The following SLC39A4 variants were observed in gnomAD, a reference collection of about 807,000 sequenced individuals.
SLC39A4 encodes the protein zinc transporter ZIP4.
Under a neutral mutation model 56.6 loss-of-function variants are expected in SLC39A4, and 49 were observed. The observed-to-expected ratio is 0.87, with a 90% CI of 0.69 to 1.10. The LOEUF is 1.10. Ranked by LOEUF, SLC39A4 falls within the 50% of genes least tolerant of loss-of-function variation. The pLI is 0.00. For synonymous variants in SLC39A4, 540 were observed against 420.4 expected (o/e 1.28, Z -3.48); for missense variants, 993 against 864.2 (o/e 1.15, Z -1.87).
In SLC39A4 at chr8:144,412,833, C is replaced by T. The variant is rs782616112; in HGVS notation, c.1741G>A (p.Val581Ile). ...AGLYVALAVG[V>I]SEESEAWILA... ...ATCCAGGCCTCGCTCTCCTCGCTGACTCCAACCGCGAGTGCCACGTAGAGA... is the reference window on the plus strand; with the variant it reads ...ATCCAGGCCTCGCTCTCCTCGCTGATTCCAACCGCGAGTGCCACGTAGAGA... The change falls in exon 11 of 12, where the codon GTC becomes ATC. Residue 581 changes from valine (V) to isoleucine (I), a missense_variant. Coordinates refer to ENST00000301305, the MANE Select transcript of SLC39A4 (RefSeq NM_130849.4). The T allele has an allele frequency of 1.2e-6, 2 of 1,612,846 alleles. No individual in the cohort carries two copies. Among genetic ancestry groups the T allele is most frequent in the African/African-American group, 1.3e-5 (1 of 74,930 alleles).
At position 144,412,873 on chromosome 8, in the gene SLC39A4, G is replaced by A; in HGVS notation, c.1701C>T (p.Leu567=). ...CCACGTAGAGACCAGCGAAGGCCGTGAGCGCGGAGGCCAGGTTCAGCAGCA... is the reference window on the plus strand; with the variant it reads ...CCACGTAGAGACCAGCGAAGGCCGTAAGCGCGGAGGCCAGGTTCAGCAGCA... ...QALLLNLASA[L]TAFAGLYVAL... Residue 567 remains leucine (L), a synonymous_variant, in exon 11 of 12, where the codon CTC becomes CTT. Transcript: ENST00000301305. 1 of 1,611,430 alleles carries A rather than the reference G, an allele frequency of 6.2e-7. No individual in the cohort carries two copies. Among genetic ancestry groups the A allele is most frequent in the Non-Finnish European group, 8.5e-7 (1 of 1,179,806 alleles).
intron 10 of SLC39A4, 123 bp downstream of exon 10, chr8:144,413,114 G>A (rs1488881584): frequency 9.6e-6 from 12 of 1,253,220 alleles, no homozygotes; most frequent in Admixed American, 2.5e-5. Context: ...ACCTGTTTCC[G>A]GTCTCCCCAC....
At chr8:144,415,667 G>T in intron 2 of SLC39A4, 143 bp downstream of exon 2, 1 of 1,302,130 alleles carries the variant, frequency 7.7e-7, no homozygotes, top group Non-Finnish European at 1.0e-6. Context: ...TGAGCCCCAC[G>T]TTGTGAATCC....
chr8:144,414,641 T>A, intron 5 of SLC39A4, 84 bp downstream of exon 5: 6 of 1,576,560 alleles, frequency 3.8e-6, no homozygotes, highest in Non-Finnish European at 5.2e-6. Context: ...ACTCTCTCCA[T>A]CCCTCATCCT....
In SLC39A4 at chr8:144,415,351, G is replaced by T. The variant is rs565516931; in HGVS notation, c.543C>A (p.Gly181=). The change falls in exon 3 of 12, where the codon GGC becomes GGA. Residue 181 remains glycine (G), a synonymous_variant. Coordinates refer to ENST00000301305, the MANE Select transcript of SLC39A4 (RefSeq NM_130849.4). ...VGAGAPGSAG[G]VLAALLDHVR... The stretch of plus-strand genomic sequence containing the variant: ...CATGGTCCAGCAGGGCAGCCAGGAC[G>T]CCGCCAGCACTGCCCGGAGCCCCCG... The T allele has an allele frequency of 5.3e-5, 86 of 1,611,530 alleles. No homozygotes were observed. The East Asian group carries it at 1.5e-3, about 29-fold the overall frequency.
intron 8 of SLC39A4, 46 bp from the exon 9 acceptor site, chr8:144,413,613 C>T (rs1460080553): frequency 1.3e-6 from 2 of 1,548,144 alleles, no homozygotes; most frequent in South Asian, 1.2e-5. Flanking sequence ...GGAGGAGGAA[C>T]GCGGTGGGGC....
chr8:144,414,677 C>A (rs782429660), intron 5 of SLC39A4, 48 bp downstream of exon 5: 2 of 1,603,636 alleles, frequency 1.2e-6, no homozygotes, highest in Middle Eastern at 3.5e-4. Flanking sequence ...CCTTCCTACA[C>A]GGGCTCCACC....
At position 144,415,941 on chromosome 8, in the gene SLC39A4, G is replaced by A. The variant is rs782193567; in HGVS notation, c.343C>T (p.Arg115Trp). ...SNPEGTCEDA[R>W]AGLWASHADH... Reference sequence around the variant, plus strand: ...GCATGAGAGGCCCAGAGGCCAGCCCGAGCGTCCTCACAGGTGCCCTCGGGG... The same window carrying A: ...GCATGAGAGGCCCAGAGGCCAGCCCAAGCGTCCTCACAGGTGCCCTCGGGG... The change falls in exon 2 of 12, where the codon CGG becomes TGG. Residue 115 changes from arginine to tryptophan, a missense_variant. Physicochemically the swap from Arg to Trp is moderately radical, Grantham distance 101 (BLOSUM62 -3). Coordinates refer to ENST00000301305, the MANE Select transcript of SLC39A4 (RefSeq NM_130849.4). 2.4e-5 allele frequency: 39 copies of A among 1,595,892 alleles called. No individual in the cohort carries two copies. Among genetic ancestry groups the A allele is most frequent in the East Asian group, 4.5e-5 (2 of 44,312 alleles).
chr8:144,416,531 C>T, intron 1 of SLC39A4, 67 bp downstream of exon 1: 1 of 1,528,172 alleles, frequency 6.5e-7, no homozygotes, highest in Non-Finnish European at 8.8e-7. Context: ...CCCTTTGCTG[C>T]CGGCTGGCAG....
At position 144,413,099 on chromosome 8, in the gene SLC39A4, G is replaced by A; in HGVS notation, c.1627+138C>T. 6 of 514,486 alleles carry A rather than the reference G, an allele frequency of 1.2e-5. No individual in the cohort carries two copies. The South Asian group carries it at 1.7e-4, about 14-fold the overall frequency. The allele number at this position is 514,486 out of a possible 1,614,324, so 31.9% of individuals were successfully genotyped here. ...TCCCGCCCATCACCTTCCAGGCCCC[G>A]CCCCACCTGTTTCCGGTCTCCCCAC... On this transcript the variant is annotated intron_variant, in intron 10 of 11. Transcript: ENST00000301305.
intron 2 of SLC39A4, 74 bp downstream of exon 2, chr8:144,415,736 G>A: frequency 2.0e-6 from 3 of 1,470,626 alleles, no homozygotes; most frequent in Non-Finnish European, 2.7e-6. Flanking sequence ...CGAAGGCTTT[G>A]CAGCCAGGCC....
At chr8:144,416,189 A>G in intron 1 of SLC39A4, 98 bp from the exon 2 acceptor site, 3 of 1,594,612 alleles carry the variant, frequency 1.9e-6, no homozygotes, top group Non-Finnish European at 2.5e-6. Context: ...TTCCCTTTCA[A>G]GTCCAACAAC....
rs1554872272 is a variant in SLC39A4, at chr8:144,413,306, C to A, written c.1558G>T (p.Ala520Ser). 6.2e-7 allele frequency: 1 copy of A among 1,603,090 alleles called. No individual in the cohort carries two copies. Among genetic ancestry groups the A allele is most frequent in the Non-Finnish European group, 8.5e-7 (1 of 1,178,398 alleles). The stretch of plus-strand genomic sequence containing the variant: ...GCCAGCCCGGTCTTCCAGGAGGACG[C>A]GAAGGCGGCGCCCACGGCCAGCCCG... ...ADGLAVGAAF[A>S]SSWKTGLATS... Residue 520 changes from alanine (A) to serine (S), a missense_variant, in exon 10 of 12, where the codon GCG becomes TCG. By Grantham distance (99) the Ala-to-Ser change is moderately conservative. Transcript: ENST00000301305.
At chr8:144,413,931 G>A (rs782207908) in intron 7 of SLC39A4, 27 bp downstream of exon 7, 9 of 1,610,388 alleles carry the variant, frequency 5.6e-6, no homozygotes, top group East Asian at 2.2e-5. Flanking sequence ...ACACCCACCC[G>A]CCGGGTACCT....
intron 3 of SLC39A4, 34 bp downstream of exon 3, chr8:144,415,193 G>T (rs1214192908): frequency 1.9e-6 from 3 of 1,612,536 alleles, no homozygotes; most frequent in Non-Finnish European, 1.7e-6. Context: ...GGGACTCGGG[G>T]GTGCCCCCCT....
chr8:144,415,562 C>T lies in SLC39A4; in HGVS notation c.475-143G>A, dbSNP rs536332568. 206 of 1,180,826 alleles carry T rather than the reference C, an allele frequency of 1.7e-4. No homozygotes were observed. The African/African-American group carries it at 2.5e-3, about 15-fold the overall frequency. 73.1% of individuals were successfully genotyped at this position (1,180,826 alleles called of 1,614,324 possible). A position where few individuals can be genotyped will look rare whatever the true frequency, so the allele number is the denominator to read the frequency against. The stretch of plus-strand genomic sequence containing the variant: ...TCCCTGGAGCCACAGCCCTCCCTGC[C>T]GGGCCCAGCTGCTTCAGGCTCCCAC... On this transcript the variant is annotated intron_variant, in intron 2 of 11. Coordinates refer to ENST00000301305, the MANE Select transcript of SLC39A4 (RefSeq NM_130849.4).
At position 144,416,120 on chromosome 8, in the gene SLC39A4, G is replaced by A. The variant is rs201917734; in HGVS notation, c.193-29C>T. Reference sequence around the variant, plus strand: ...TGGGCAGAGACAAGTGAGCAGGGGCGCTGGGCCCACCAGGGAGGGGAGAGG... The same window carrying A: ...TGGGCAGAGACAAGTGAGCAGGGGCACTGGGCCCACCAGGGAGGGGAGAGG... On this transcript the variant is annotated intron_variant, in intron 1 of 11. Transcript: ENST00000301305. The A allele has an allele frequency of 1.4e-4, 230 of 1,599,526 alleles. 2 individuals carry two copies. In the African/African-American group the frequency reaches 2.8e-3, roughly 19 times the overall value.
At chr8:144,413,440 G>A in intron 9 of SLC39A4, 51 bp from the exon 10 acceptor site, 1 of 1,589,354 alleles carries the variant, frequency 6.3e-7, no homozygotes, top group Admixed American at 1.8e-5. Context: ...CTACCGCCAA[G>A]CCTTGGGCCC....
intron 10 of SLC39A4, 26 bp from the exon 11 acceptor site, chr8:144,412,972 T>A (rs145672972): frequency 6.4e-7 from 1 of 1,568,804 alleles, no homozygotes; most frequent in Non-Finnish European, 8.6e-7. Flanking sequence ...CATTAACAGC[T>A]CCGCCCTCCT....
Sources: allele counts gnomAD v4.1 joint callset, GRCh38; gene constraint gnomAD v4.1.1; transcripts MANE v1.5; gene names NCBI Gene and HGNC (gene_info 2026-07-23, HGNC 2026-07-21).